The following ADAMTSL1 variants were observed in gnomAD, a reference collection of about 807,000 sequenced individuals.
The protein encoded by ADAMTSL1 is ADAMTS-like protein 1.
Under a neutral mutation model 201.8 loss-of-function variants are expected in ADAMTSL1, and 126 were observed. The ratio of observed to expected loss-of-function variants is 0.62; its 90% CI spans 0.54 to 0.72. ADAMTSL1 has a LOEUF of 0.72. Ranked by LOEUF, ADAMTSL1 falls within the 30% of genes least tolerant of loss-of-function variation. ADAMTSL1 has a pLI of 0.00. For synonymous variants in ADAMTSL1, 1,121 were observed against 903.4 expected, an observed-to-expected ratio of 1.24 and a Z score of -4.32; for missense variants, 2,679 against 2,277.8, an observed-to-expected ratio of 1.18 and a Z score of -3.59.
At chr9:18,547,092 T>C (rs1002081367) in intron 3 of ADAMTSL1, among the ~76,000 whole-genome samples, 26 of 152,294 alleles carry the variant, frequency 1.7e-4, no homozygotes, top group Admixed American at 1.4e-3. Flanking sequence ...TAATTTACTA[T>C]AGCAGATCGT....
At chr9:17,940,795 A>C (rs1827205675) in intron 1 of ADAMTSL1, among the ~76,000 whole-genome samples, 1 of 67,972 alleles carries the variant, frequency 1.5e-5, no homozygotes, top group Non-Finnish European at 2.9e-5. Context: ...AAATAAAAGT[A>C]AATAACACCC....
intron 23 of ADAMTSL1, among the ~76,000 whole-genome samples, chr9:18,886,166 G>GTGTGTATATATA (rs1554657845): frequency 5.4e-5 from 2 of 37,136 alleles, no homozygotes; most frequent in African/African-American, 2.9e-4. Flanking sequence ...GTGTGTATGT[G>GTGTGTATATATA]TATATATATA....
chr9:18,547,719 G>A (rs1178015362), intron 3 of ADAMTSL1, among the ~76,000 whole-genome samples: 1 of 148,328 alleles, frequency 6.7e-6, no homozygotes, highest in East Asian at 2.1e-4. Context: ...GAGGCTGTTT[G>A]ATAGACATAG....
At chr9:18,633,145 C>G (rs1826881843) in intron 5 of ADAMTSL1, among the ~76,000 whole-genome samples, 1 of 152,188 alleles carries the variant, frequency 6.6e-6, no homozygotes, top group Non-Finnish European at 1.5e-5. Flanking sequence ...ATGGCAGGGC[C>G]AAACAGAAAG....
intron 10 of ADAMTSL1, 61 bp from the exon 11 acceptor site, chr9:18,680,251 A>C: frequency 6.6e-7 from 1 of 1,525,106 alleles, no homozygotes; most frequent in Non-Finnish European, 9.0e-7. Context: ...TTGGTGGACC[A>C]GTCACTGAGG....
intron 2 of ADAMTSL1, among the ~76,000 whole-genome samples, chr9:18,409,773 A>G (rs1818357857): frequency 6.6e-6 from 1 of 150,396 alleles, no homozygotes; most frequent in Non-Finnish European, 1.5e-5. Flanking sequence ...GTATACATAC[A>G]TACATGTTAT....
intron 15 of ADAMTSL1, among the ~76,000 whole-genome samples, chr9:18,727,157 G>A (rs532091454): frequency 1.9e-4 from 29 of 152,334 alleles, no homozygotes; most frequent in Admixed American, 7.2e-4. Flanking sequence ...AGCAGAAGGT[G>A]CTGCCTTTTA....
intron 1 of ADAMTSL1, among the ~76,000 whole-genome samples, chr9:18,085,928 C>A (rs1013093652): frequency 6.6e-6 from 1 of 151,820 alleles, no homozygotes; most frequent in South Asian, 2.1e-4. Flanking sequence ...CAGGCAAGGA[C>A]AGTAGCAGCA....
At chr9:18,827,589 G>C (rs1220940363) in intron 22 of ADAMTSL1, among the ~76,000 whole-genome samples, 2 of 152,210 alleles carry the variant, frequency 1.3e-5, no homozygotes, top group African/African-American at 4.8e-5. Context: ...GGAGCCCAGA[G>C]ACCAGGGAAT....
intron 2 of ADAMTSL1, among the ~76,000 whole-genome samples, chr9:18,223,288 T>A (rs1830330709): frequency 6.6e-6 from 1 of 152,088 alleles, no homozygotes; most frequent in South Asian, 2.1e-4. Context: ...AGATTTGAAA[T>A]GATCGATCAT....
At chr9:18,843,522 C>T (rs1176862945) in intron 23 of ADAMTSL1, among the ~76,000 whole-genome samples, 3 of 150,628 alleles carry the variant, frequency 2.0e-5, no homozygotes, top group Admixed American at 1.3e-4. Context: ...CTTGGAGTTG[C>T]TCTTCTCGAG....
intron 2 of ADAMTSL1, among the ~76,000 whole-genome samples, chr9:18,526,629 G>C (rs902249846): frequency 1.3e-5 from 2 of 152,124 alleles, no homozygotes; most frequent in Admixed American, 1.3e-4. Context: ...TTTAGGGCAG[G>C]CCTTGTGGTA....
At chr9:18,548,939 A>T (rs1820633830) in intron 3 of ADAMTSL1, among the ~76,000 whole-genome samples, 1 of 151,882 alleles carries the variant, frequency 6.6e-6, no homozygotes, top group Non-Finnish European at 1.5e-5. Context: ...GAAGTTAGAA[A>T]CTTTACCCAA....
chr9:18,174,786 G>A (rs1273609776), intron 2 of ADAMTSL1, among the ~76,000 whole-genome samples: 1 of 151,986 alleles, frequency 6.6e-6, no homozygotes, highest in Non-Finnish European at 1.5e-5. Context: ...TTTGTATCCT[G>A]TTTTCCCTGG....
intron 1 of ADAMTSL1, among the ~76,000 whole-genome samples, chr9:18,070,005 C>T (rs1822886731): frequency 6.6e-6 from 1 of 152,102 alleles, no homozygotes; most frequent in Non-Finnish European, 1.5e-5. Flanking sequence ...CAGGTTTAGA[C>T]ATATTGAGTG....
chr9:18,138,972 A>T lies in ADAMTSL1; in HGVS notation c.88-24890A>T, dbSNP rs140878891. 1.2e-3 allele frequency among the ~76,000 whole-genome samples: 178 copies of T among 152,260 alleles called. 2 individuals carry two copies. The highest frequency in any genetic ancestry group is 4.0e-3 in the African/African-American group (167 of 41,560). On this transcript the variant is annotated intron_variant, in intron 1 of 29. Coordinates refer to the ADAMTSL1 transcript ENST00000680146. ...TGTATGAGGAAGACTGATAATCTGG[A>T]GACGTGGATTTTACTTGTGTCTGCC...
chr9:17,970,467 G>A (rs1818160941), intron 1 of ADAMTSL1, among the ~76,000 whole-genome samples: 1 of 151,998 alleles, frequency 6.6e-6, no homozygotes, highest in African/African-American at 2.4e-5. Context: ...AGGCCTTGTG[G>A]TAACCTAGCC....
intron 2 of ADAMTSL1, among the ~76,000 whole-genome samples, chr9:18,219,868 A>G (rs1451803763): frequency 6.6e-6 from 1 of 152,190 alleles, no homozygotes; most frequent in Non-Finnish European, 1.5e-5. Context: ...CTGATCTTGT[A>G]TCTAGAAATC....
intron 2 of ADAMTSL1, among the ~76,000 whole-genome samples, chr9:18,335,635 C>T (rs1181890934): frequency 6.6e-6 from 1 of 152,112 alleles, no homozygotes; most frequent in Non-Finnish European, 1.5e-5. Flanking sequence ...CATTAAATAA[C>T]CTCATAGCTT....
Sources: gnomAD v4.1 joint callset for allele counts (sites outside exome capture counted in the v4.1 genomes callset) on GRCh38, gnomAD v4.1.1 for gene constraint, MANE v1.5 for transcripts, NCBI Gene and HGNC (gene_info 2026-07-23, HGNC 2026-07-21) for gene names.